Variants in DSCAML1 observed in about 807,000 individuals in gnomAD.
DSCAML1 encodes the protein cell adhesion molecule DSCAML1.
A neutral mutation model predicts 200.5 loss-of-function variants in DSCAML1; 38 were observed. The ratio of observed to expected loss-of-function variants is 0.19; its 90% confidence interval spans 0.15 to 0.25. The LOEUF is 0.25. DSCAML1 is among the 10% of genes least tolerant of loss of function. The probability of loss-of-function intolerance (pLI) is 1.00; values close to 1 mark genes in which losing one functional copy is unlikely to be tolerated. For synonymous variants in DSCAML1, 1,215 were observed against 1,165.0 expected, an observed-to-expected ratio of 1.04 and a Z score of -0.87; for missense variants, 2,223 against 2,858.8, an observed-to-expected ratio of 0.78 and a Z score of 5.07.
intron 3 of DSCAML1, among the ~76,000 whole-genome samples, chr11:117,664,077 G>A (rs2052922858): frequency 1.3e-5 from 2 of 151,964 alleles, no homozygotes; most frequent in African/African-American, 4.9e-5. Flanking sequence ...GGCCGGGCCT[G>A]GGAAGAGAGA....
chr11:117,712,770 C>T (rs750998306), intron 3 of DSCAML1, among the ~76,000 whole-genome samples: 6 of 152,028 alleles, frequency 3.9e-5, no homozygotes, highest in East Asian at 1.9e-4. Flanking sequence ...GGAAAAGTGA[C>T]GACCGTTCTC....
At chr11:117,782,666 A>G (rs1177011585) in intron 1 of DSCAML1, among the ~76,000 whole-genome samples, 1 of 152,142 alleles carries the variant, frequency 6.6e-6, no homozygotes, top group Non-Finnish European at 1.5e-5. Flanking sequence ...TAGAATATAC[A>G]CTTAGCAGGT....
rs1164090787 is a variant in DSCAML1 at position 117,469,144 on chromosome 11, C to T, written c.3024+766G>A. On this transcript the variant is annotated intron_variant, in intron 16 of 32. Transcript: ENST00000651296. The surrounding 1 kb of genome is among the most constrained non-coding windows in gnomAD (Gnocchi z 4.1). ...ACCTCACATCTTGTCTCCATGGCCT[C>T]CTCTGGTGGAAGGGGATAAAAGTGC... is the stretch of plus-strand genomic sequence containing the variant. 1.3e-5 allele frequency among the ~76,000 whole-genome samples: 2 copies of T among 152,150 alleles called. No individual in the cohort carries two copies. The highest frequency in any genetic ancestry group is 1.3e-4 in the Admixed American group (2 of 15,280).
At chr11:117,676,173 CA>C (rs11366733) in intron 3 of DSCAML1, among the ~76,000 whole-genome samples, 54,754 of 143,418 alleles carry the variant, frequency 0.38, 10,994 homozygotes, top group African/African-American at 0.55. Flanking sequence ...GTTTTGATTA[CA>C]AAAAAAAAAA....
At chr11:117,696,573 C>T (rs2053589529) in intron 3 of DSCAML1, among the ~76,000 whole-genome samples, 1 of 152,146 alleles carries the variant, frequency 6.6e-6, no homozygotes, top group African/African-American at 2.4e-5. Context: ...CTCTTCCCTG[C>T]AGGCCCCCCA....
chr11:117,465,393 G>A (rs2048560301), intron 16 of DSCAML1, among the ~76,000 whole-genome samples: 1 of 152,110 alleles, frequency 6.6e-6, no homozygotes, highest in South Asian at 2.1e-4. Flanking sequence ...TGTGCCCCTC[G>A]CTTCCTGCGC....
At chr11:117,654,352 A>T (rs1306849252) in intron 3 of DSCAML1, among the ~76,000 whole-genome samples, 1 of 152,196 alleles carries the variant, frequency 6.6e-6, no homozygotes, top group Non-Finnish European at 1.5e-5. Context: ...ATGGTATAAG[A>T]ATTCTATCTC....
intron 3 of DSCAML1, among the ~76,000 whole-genome samples, chr11:117,751,319 A>T (rs1330706806): frequency 1.3e-5 from 2 of 151,946 alleles, no homozygotes; most frequent in Admixed American, 6.6e-5. Context: ...CTTAAAAAAA[A>T]ATCTCCAACT....
chr11:117,475,355 G>T (rs1370517165), intron 14 of DSCAML1, among the ~76,000 whole-genome samples: 18 of 152,076 alleles, frequency 1.2e-4, no homozygotes, highest in Admixed American at 1.2e-3. Flanking sequence ...GTTGTTCCTT[G>T]TTCTCAGGAT....
At chr11:117,569,720 A>G (rs565837445) in intron 3 of DSCAML1, among the ~76,000 whole-genome samples, 1 of 152,314 alleles carries the variant, frequency 6.6e-6, no homozygotes, top group East Asian at 1.9e-4. Context: ...CTCTGCAGCC[A>G]GGTAGGCTTG....
intron 1 of DSCAML1, among the ~76,000 whole-genome samples, chr11:117,809,638 C>T (rs2055739791): frequency 1.3e-5 from 2 of 152,216 alleles, no homozygotes; most frequent in South Asian, 4.1e-4. Flanking sequence ...CCTGCCCCAG[C>T]CTGTGTCCTT....
In DSCAML1 at chr11:117,505,046, G is replaced by A. The variant is rs1305050246; in HGVS notation, c.2063-3C>T. 2.5e-6 allele frequency: 4 copies of A among 1,611,130 alleles called. No individual in the cohort carries two copies. The South Asian group carries it at 3.3e-5, about 13-fold the overall frequency. On this transcript the variant is annotated splice_region_variant and splice_polypyrimidine_tract_variant and intron_variant, in intron 9 of 32. Coordinates refer to ENST00000651296, the MANE Select transcript of DSCAML1 (RefSeq NM_020693.4). The surrounding 1 kb of genome is among the most constrained non-coding windows in gnomAD (Gnocchi z 6.7). ...TTGCACCACAAATCGAGGGGGCACT[G>A]CAGAAAGAGGGAAGGTAGGGAAACA... is the stretch of plus-strand genomic sequence containing the variant.
At chr11:117,563,889 T>C (rs2050707431) in intron 3 of DSCAML1, among the ~76,000 whole-genome samples, 1 of 152,042 alleles carries the variant, frequency 6.6e-6, no homozygotes, top group Non-Finnish European at 1.5e-5. Context: ...AAATGATGGA[T>C]GAAATGGATG....
chr11:117,649,308 C>T (rs544630631), intron 3 of DSCAML1, among the ~76,000 whole-genome samples: 98 of 152,218 alleles, frequency 6.4e-4, no homozygotes, highest in African/African-American at 2.3e-3. Flanking sequence ...GAACTCCTGA[C>T]CTCAGGTGAT....
intron 3 of DSCAML1, among the ~76,000 whole-genome samples, chr11:117,636,829 A>G (rs950695557): frequency 6.6e-6 from 1 of 152,226 alleles, no homozygotes; most frequent in Admixed American, 6.5e-5. Context: ...AAACTTATAC[A>G]TGAAAAGAGC....
At chr11:117,719,721 G>A (rs2054013197) in intron 3 of DSCAML1, among the ~76,000 whole-genome samples, 1 of 152,218 alleles carries the variant, frequency 6.6e-6, no homozygotes, top group African/African-American at 2.4e-5. Context: ...AAAAGTGGCA[G>A]AGCAGAAGTC....
At position 117,776,810 on chromosome 11, in the gene DSCAML1, G is replaced by A. The variant is rs1188151853; in HGVS notation, c.492C>T (p.Asp164=). The A allele has an allele frequency of 6.2e-7, 1 of 1,614,034 alleles. No homozygotes were observed. The highest frequency in any genetic ancestry group is 1.3e-5 in the African/African-American group (1 of 74,916). ...TCTTACCTGGGATGATGGAGACTGTGTCTTTCTCCCAAGATACAACGCTAA... is the reference window on the plus strand; with the variant it reads ...TCTTACCTGGGATGATGGAGACTGTATCTTTCTCCCAAGATACAACGCTAA... ...EYVSVVSWEK[D]TVSIIPEHRF... Residue 164 remains aspartate, a synonymous_variant, in exon 3 of 33, where the codon GAC becomes GAT. Coordinates refer to ENST00000651296, the MANE Select transcript of DSCAML1 (RefSeq NM_020693.4).
intron 14 of DSCAML1, among the ~76,000 whole-genome samples, chr11:117,479,458 C>A (rs2048863025): frequency 1.3e-5 from 2 of 152,114 alleles, no homozygotes; most frequent in Non-Finnish European, 2.9e-5. Flanking sequence ...TTCTTCTCAC[C>A]CTGCTGTGAA....
chr11:117,663,499 G>A (rs2052906823), intron 3 of DSCAML1, among the ~76,000 whole-genome samples: 1 of 151,992 alleles, frequency 6.6e-6, no homozygotes, highest in African/African-American at 2.4e-5. Context: ...ATGGCAGGAA[G>A]TACCATGGAG....
Sources: allele counts gnomAD v4.1 joint callset (sites outside exome capture counted in the v4.1 genomes callset), GRCh38; gene constraint gnomAD v4.1.1; non-coding constraint Gnocchi (gnomAD v3.1); transcripts MANE v1.5; gene names NCBI Gene and HGNC (gene_info 2026-07-23, HGNC 2026-07-21).